Variants in ZNF845 observed in about 807,000 individuals in gnomAD.
ZNF845 encodes the protein zinc finger protein 845.
Under a neutral mutation model 76.1 loss-of-function variants are expected in ZNF845, and 59 were observed. That is an observed-to-expected ratio of 0.78 (90% confidence interval 0.63 to 0.96). The LOEUF (loss-of-function observed/expected upper bound fraction) is 0.96, where lower values mean the gene tolerates loss of function less well. Among genes scored for constraint, ZNF845 ranks in the 40% least tolerant of loss-of-function variants. The probability of loss-of-function intolerance (pLI) is 0.00; values close to 1 mark genes in which losing one functional copy is unlikely to be tolerated. For synonymous variants in ZNF845, 361 were observed against 386.9 expected (o/e 0.93, Z 0.78); for missense variants, 1,045 against 1,172.8 (o/e 0.89, Z 1.59).
chr19:53,348,141 A>G (rs1465689914), intron 3 of ZNF845, among the ~76,000 whole-genome samples: 1 of 152,168 alleles, frequency 6.6e-6, no homozygotes, highest in Non-Finnish European at 1.5e-5. Flanking sequence ...CAGTGAGCCG[A>G]CATTGTGCCA....
intron 3 of ZNF845, among the ~76,000 whole-genome samples, chr19:53,347,336 G>A (rs1197732180): frequency 6.6e-6 from 1 of 150,780 alleles, no homozygotes; most frequent in Non-Finnish European, 1.5e-5. Flanking sequence ...GAGTGCAGTG[G>A]CGCAGTCTTG....
chr19:53,341,422 A>G, intron 2 of ZNF845, 100 bp downstream of exon 2: 1 of 1,554,544 alleles, frequency 6.4e-7, no homozygotes, highest in Non-Finnish European at 8.8e-7. Context: ...ATCCTGCCTG[A>G]CAGGTTTGCT....
At chr19:53,340,649 T>C (rs2085249547) in intron 1 of ZNF845, among the ~76,000 whole-genome samples, 1 of 152,220 alleles carries the variant, frequency 6.6e-6, no homozygotes, top group Non-Finnish European at 1.5e-5. Context: ...TAATTTGTAA[T>C]ATAAAGAAAA....
At chr19:53,349,379 C>G (rs893897426) in intron 3 of ZNF845, among the ~76,000 whole-genome samples, 4 of 152,016 alleles carry the variant, frequency 2.6e-5, no homozygotes, top group Admixed American at 6.6e-5. Context: ...ATTCTCCTGC[C>G]TCAGCCTCCT....
rs1164909516 is a variant in ZNF845 at position 53,352,455 on chromosome 19, A to G, written c.1780A>G (p.Ile594Val). ...CCAAGTCTTTAGTAATGCTACAACC[A>G]TTGCAAATCATTGGAGAATCCATAA... ...CHQVFSNATT[I>V]ANHWRIHNEE... Residue 594 changes from isoleucine to valine, a missense_variant, in exon 4 of 4, where the codon ATT (isoleucine) becomes GTT (valine). Transcript: ENST00000458035. 6.2e-7 allele frequency: 1 copy of G among 1,613,594 alleles called. No individual in the cohort carries two copies. The highest frequency in any genetic ancestry group is 1.3e-5 in the African/African-American group (1 of 74,936).
At position 53,353,989 on chromosome 19, in the gene ZNF845, TG is replaced by T; in HGVS notation, c.*403del. The T allele has an allele frequency of 2.0e-6, 1 of 504,214 alleles. No homozygotes were observed. The allele number at this position is 504,214 out of a possible 1,614,324, so 31.2% of individuals were successfully genotyped here. On this transcript the variant is annotated 3_prime_UTR_variant, in exon 4 of 4. Coordinates refer to ENST00000458035, the MANE Select transcript of ZNF845 (RefSeq NM_138374.3). ...TTGCAGTTCATCGGTGAACTCATGC[TG>T]GAGAGAAACCTTACAAATGTCATGA...
In ZNF845 at chr19:53,354,082, T is replaced by C; in HGVS notation, c.*494T>C. On this transcript the variant is annotated 3_prime_UTR_variant, in exon 4 of 4. Transcript: ENST00000458035. The stretch of plus-strand genomic sequence containing the variant: ...AGGAGACTTCATACAGGAGACAAAC[T>C]TCACAAGTATGATGATTGCAGCAAA... The C allele has an allele frequency of 1.6e-5, 8 of 506,898 alleles. No individual in the cohort carries two copies. Among genetic ancestry groups the C allele is most frequent in the South Asian group, 1.1e-4 (7 of 64,134 alleles). The allele number at this position is 506,898 out of a possible 1,614,324, so 31.4% of individuals were successfully genotyped here. A position where few individuals can be genotyped will look rare whatever the true frequency, so the allele number is the denominator to read the frequency against.
intron 2 of ZNF845, among the ~76,000 whole-genome samples, chr19:53,341,791 G>C (rs1007752819): frequency 2.6e-5 from 4 of 152,158 alleles, no homozygotes. Flanking sequence ...TTTTTTGAGT[G>C]AGTTACTGTG....
Position 53,352,326 on chromosome 19 carries a change from T to A in ZNF845, c.1651T>A (p.Tyr551Asn), listed in dbSNP as rs2085345751. 2 of 1,613,762 alleles carry A rather than the reference T, an allele frequency of 1.2e-6. No homozygotes were observed. The highest frequency in any genetic ancestry group is 1.3e-5 in the African/African-American group (1 of 74,854). ...TAGACTTCATACTGGAGAGAAACCT[T>A]ACCAGTGTAATGAGTGTGGCAAAGC... ...HCRLHTGEKP[Y>N]QCNECGKAFR... The change falls in exon 4 of 4, where the codon TAC becomes AAC. Residue 551 changes from tyrosine (Y) to asparagine (N), a missense_variant. Tyr to Asn is a moderately radical substitution (Grantham distance 143). Coordinates refer to ENST00000458035, the MANE Select transcript of ZNF845 (RefSeq NM_138374.3).
intron 1 of ZNF845, among the ~76,000 whole-genome samples, chr19:53,338,660 C>G (rs1489042495): frequency 6.6e-6 from 1 of 151,462 alleles, no homozygotes; most frequent in East Asian, 1.9e-4. Flanking sequence ...TGATGACGCT[C>G]TACTGGCTTT....
At position 53,352,568 on chromosome 19, in the gene ZNF845, A is replaced by T. The variant is rs2085348684; in HGVS notation, c.1893A>T (p.Gly631=). Residue 631 remains glycine (G), a synonymous_variant, in exon 4 of 4, where the codon GGA becomes GGT. Coordinates refer to ENST00000458035, the MANE Select transcript of ZNF845 (RefSeq NM_138374.3). ...CAGTTCATTGGCGAACTCATAGTGG[A>T]GAGAAACCTTACAAATGTGAAGAAT... ...YLAVHWRTHS[G]EKPYKCEECD... is the part of the protein sequence containing the mutation. 1.9e-6 allele frequency: 3 copies of T among 1,610,300 alleles called. No individual in the cohort carries two copies. The East Asian group carries it at 6.7e-5, about 36-fold the overall frequency.
chr19:53,335,849 G>T (rs1289152530), intron 1 of ZNF845, among the ~76,000 whole-genome samples: 1 of 151,976 alleles, frequency 6.6e-6, no homozygotes, highest in Non-Finnish European at 1.5e-5. Flanking sequence ...TGATCCACCC[G>T]CCTTGGCCCC....
intron 2 of ZNF845, among the ~76,000 whole-genome samples, chr19:53,343,378 C>T (rs1203145425): frequency 6.6e-6 from 1 of 152,148 alleles, no homozygotes; most frequent in Non-Finnish European, 1.5e-5. Context: ...TAGTGGCTGC[C>T]TCTGTGCACA....
In ZNF845 at chr19:53,355,454, T is replaced by C. The variant is rs1028974672; in HGVS notation, c.*1866T>C. On this transcript the variant is annotated 3_prime_UTR_variant, in exon 4 of 4. Coordinates refer to ENST00000458035, the MANE Select transcript of ZNF845 (RefSeq NM_138374.3). Reference sequence around the variant, plus strand: ...TTTTAGTAAAGACGGGGTTTCACCATGTTGGCCCAGATGGTGGGCCAACAT... The same window carrying C: ...TTTTAGTAAAGACGGGGTTTCACCACGTTGGCCCAGATGGTGGGCCAACAT... 7.2e-5 allele frequency: 11 copies of C among 151,946 alleles called. No homozygotes were observed. The highest frequency in any genetic ancestry group is 6.5e-4 in the Admixed American group (10 of 15,272). The allele number at this position is 151,946 out of a possible 1,614,324, so 9.4% of individuals were successfully genotyped here.
At position 53,352,404 on chromosome 19, in the gene ZNF845, A is replaced by G; in HGVS notation, c.1729A>G (p.Lys577Glu). Residue 577 changes from lysine (K) to glutamate (E), a missense_variant, in exon 4 of 4, where the codon AAA (lysine) becomes GAA (glutamate). Physicochemically the swap from Lys to Glu is moderately conservative, Grantham distance 56. Coordinates refer to ENST00000458035, the MANE Select transcript of ZNF845 (RefSeq NM_138374.3). ...CCATCAAGCAATCCATGGTATAGGG[A>G]AACTTTACAAATGTAATGATTGTCA... ...IYHQAIHGIG[K>E]LYKCNDCHQV... 6.2e-7 allele frequency: 1 copy of G among 1,613,866 alleles called. No homozygotes were observed. Among genetic ancestry groups the G allele is most frequent in the Non-Finnish European group, 8.5e-7 (1 of 1,179,830 alleles).
intron 3 of ZNF845, among the ~76,000 whole-genome samples, chr19:53,348,425 G>A (rs1053668541): frequency 3.9e-5 from 6 of 152,062 alleles, no homozygotes; most frequent in African/African-American, 1.5e-4. Context: ...CCATCTTCCT[G>A]CTGTGTCCTG....
intron 1 of ZNF845, among the ~76,000 whole-genome samples, chr19:53,336,446 G>A (rs1316305176): frequency 6.6e-6 from 1 of 152,080 alleles, no homozygotes; most frequent in Admixed American, 6.6e-5. Context: ...GGAGGTAGAG[G>A]TTGCAGTGAA....
At position 53,352,294 on chromosome 19, in the gene ZNF845, G is replaced by A. The variant is rs1186315888; in HGVS notation, c.1619G>A (p.Arg540His). 26 of 1,613,572 alleles carry A rather than the reference G, an allele frequency of 1.6e-5. 1 individual carries two copies. The highest frequency in any genetic ancestry group is 5.5e-5 in the South Asian group (5 of 91,044). The change falls in exon 4 of 4, where the codon CGC becomes CAC. Residue 540 changes from arginine (R) to histidine (H), a missense_variant. Transcript: ENST00000458035. The stretch of plus-strand genomic sequence containing the variant: ...TTTAGTCGGAAGTCATCCCTTACAC[G>A]CCATTGTAGACTTCATACTGGAGAG... Reference protein sequence around the residue: ...KTFSRKSSLTRHCRLHTGEKP... With the variant: ...KTFSRKSSLTHHCRLHTGEKP...
chr19:53,334,071 C>A (rs1191839637), intron 1 of ZNF845, among the ~76,000 whole-genome samples: 1 of 152,234 alleles, frequency 6.6e-6, no homozygotes, highest in Non-Finnish European at 1.5e-5. Context: ...TCCTCCCGAC[C>A]CGCACTTTTT....
Sources: allele counts gnomAD v4.1 joint callset (sites outside exome capture counted in the v4.1 genomes callset), GRCh38; gene constraint gnomAD v4.1.1; transcripts MANE v1.5; gene names NCBI Gene and HGNC (gene_info 2026-07-23, HGNC 2026-07-21).